Variants in FAM131A observed in about 807,000 individuals in gnomAD.
FAM131A encodes the protein protein FAM131A.
In FAM131A, 24 loss-of-function variants were observed where a neutral mutation model predicts 39.2. The ratio of observed to expected loss-of-function variants is 0.61; its 90% CI spans 0.44 to 0.86. The LOEUF (loss-of-function observed/expected upper bound fraction) is 0.86, where lower values mean the gene tolerates loss of function less well. FAM131A is among the 40% of genes least tolerant of loss of function. The pLI, the probability that FAM131A is intolerant of heterozygous loss-of-function variation, is 0.00. For missense variants in FAM131A, 373 were observed against 481.2 expected (o/e 0.78, Z 2.10); for synonymous variants, 202 against 206.8 (o/e 0.98, Z 0.20).
Position 184,337,726 on chromosome 3 carries a change from C to T in FAM131A, c.88+8C>T, listed in dbSNP as rs1376698032. 2 of 1,536,978 alleles carry T rather than the reference C, an allele frequency of 1.3e-6. No individual in the cohort carries two copies. The highest frequency in any genetic ancestry group is 2.0e-5 in the Admixed American group (1 of 50,984). ...GTCAGACAAGTCGCAGAGGTGAGAC[C>T]AGGGATCATGGATGTGATCTGGGAG... On this transcript the variant is annotated splice_region_variant and intron_variant, in intron 1 of 5. Coordinates refer to ENST00000383847, the MANE Select transcript of FAM131A (RefSeq NM_144635.5).
At position 184,344,940 on chromosome 3, in the gene FAM131A, T is replaced by C. The variant is rs768618051; in HGVS notation, c.1071T>C (p.Asp357=). The C allele has an allele frequency of 1.9e-5, 31 of 1,592,502 alleles. No individual in the cohort carries two copies. Among genetic ancestry groups the C allele is most frequent in the Non-Finnish European group, 2.5e-5 (29 of 1,174,020 alleles). The change falls in exon 6 of 6, where the codon GAT becomes GAC. Residue 357 remains aspartate (D), a synonymous_variant. Transcript: ENST00000383847. The stretch of plus-strand genomic sequence containing the variant: ...CCTCTTCTGGGGTGGTGTCCTTAGA[T>C]GAGGATGAGGCAGAGCCAGAGGAAC... ...DLASSGVVSL[D]EDEAEPEEQ
rs1036316598 is a variant in FAM131A, at chr3:184,337,807, T to G, written c.88+89T>G. On this transcript the variant is annotated intron_variant, in intron 1 of 5. Coordinates refer to ENST00000383847, the MANE Select transcript of FAM131A (RefSeq NM_144635.5). ...GGTGGAAAAGGAAAATTACTCTGGC[T>G]TAGATATTAAGAACCAGGCTGAAAC... is the stretch of plus-strand genomic sequence containing the variant. 26 of 1,311,688 alleles carry G rather than the reference T, an allele frequency of 2.0e-5. No individual in the cohort carries two copies. The South Asian group carries it at 3.1e-4, about 16-fold the overall frequency. The allele number at this position is 1,311,688 out of a possible 1,614,324, so 81.3% of individuals were successfully genotyped here.
At chr3:184,339,841 T>TG (rs1216148546) in intron 2 of FAM131A, 2 of 152,566 alleles carry the variant, frequency 1.3e-5, no homozygotes, top group Admixed American at 6.6e-5. Flanking sequence ...TGTCACAGAG[T>TG]GGGATCCTTC....
chr3:184,345,323 A>T lies in FAM131A; in HGVS notation c.*353A>T, dbSNP rs1397912424. ...AAGGGGGTTGTGACTGGGCTGTGTGAGGGTGGGGTGGGAGGGGGCCCAGCA... is the reference window on the plus strand; with the variant it reads ...AAGGGGGTTGTGACTGGGCTGTGTGTGGGTGGGGTGGGAGGGGGCCCAGCA... On this transcript the variant is annotated 3_prime_UTR_variant, in exon 6 of 6. Coordinates refer to ENST00000383847, the MANE Select transcript of FAM131A (RefSeq NM_144635.5). 2.0e-5 allele frequency: 8 copies of T among 392,294 alleles called. No individual in the cohort carries two copies. The African/African-American group carries it at 2.5e-4, about 12-fold the overall frequency. The allele number at this position is 392,294 out of a possible 1,614,324, so 24.3% of individuals were successfully genotyped here.
chr3:184,338,639 C>A (rs1468379873), intron 2 of FAM131A, 110 bp downstream of exon 2: 8 of 1,423,278 alleles, frequency 5.6e-6, no homozygotes, highest in Non-Finnish European at 6.6e-6. Flanking sequence ...TTCCGGCGGG[C>A]GGAGGCGCTA....
upstream of FAM131A, chr3:184,337,583 G>A: frequency 1.3e-6 from 2 of 1,518,042 alleles, no homozygotes; most frequent in Non-Finnish European, 1.8e-6. Flanking sequence ...TGGGAGCTGA[G>A]CCTGGAGCGG....
intron 5 of FAM131A, chr3:184,343,149 A>C: frequency 3.9e-6 from 1 of 257,782 alleles, no homozygotes; most frequent in East Asian, 6.3e-5. Flanking sequence ...AAAAAGCCGA[A>C]AGACCTCAAG....
upstream of FAM131A, among the ~76,000 whole-genome samples, chr3:184,336,744 C>CA (rs2108539089): frequency 6.6e-6 from 1 of 152,348 alleles, no homozygotes; most frequent in South Asian, 2.1e-4. The surrounding 1 kb of genome is among the most constrained non-coding windows in gnomAD (Gnocchi z 5.5). Flanking sequence ...GTCCTGCCCC[C>CA]ACTCAGCAAA....
At position 184,345,600 on chromosome 3, in the gene FAM131A, G is replaced by A. The variant is rs758900741; in HGVS notation, c.*630G>A. ...GGTTTTTGGTCTGTTTTTTCAGTCG[G>A]ATCTTCTCTTCTCTGGGAGGCTTTG... is the stretch of plus-strand genomic sequence containing the variant. On this transcript the variant is annotated 3_prime_UTR_variant, in exon 6 of 6. Coordinates refer to ENST00000383847, the MANE Select transcript of FAM131A (RefSeq NM_144635.5). 2.0e-5 allele frequency: 14 copies of A among 702,898 alleles called. No individual in the cohort carries two copies. The highest frequency in any genetic ancestry group is 3.1e-5 in the Non-Finnish European group (12 of 384,960). The allele number at this position is 702,898 out of a possible 1,614,324, so 43.5% of individuals were successfully genotyped here. A position where few individuals can be genotyped will look rare whatever the true frequency, so the allele number is the denominator to read the frequency against.
At chr3:184,341,873 C>T (rs1033386821) in intron 3 of FAM131A, 56 bp downstream of exon 3, 3 of 1,586,790 alleles carry the variant, frequency 1.9e-6, no homozygotes, top group Non-Finnish European at 2.6e-6. Flanking sequence ...CCCGTTTGCA[C>T]ATCCCTTTGG....
At chr3:184,341,536 T>A in intron 2 of FAM131A, 188 bp from the exon 3 acceptor site, 2 of 605,344 alleles carry the variant, frequency 3.3e-6, no homozygotes, top group Non-Finnish European at 5.9e-6. Flanking sequence ...TCTCCATTGC[T>A]TTCTGGGAGG....
Position 184,337,724 on chromosome 3 carries a change from A to G in FAM131A, c.88+6A>G, listed in dbSNP as rs1727183224. 1.3e-6 allele frequency: 2 copies of G among 1,537,122 alleles called. No individual in the cohort carries two copies. Among genetic ancestry groups the G allele is most frequent in the South Asian group, 1.2e-5 (1 of 84,060 alleles). On this transcript the variant is annotated splice_donor_region_variant and intron_variant, in intron 1 of 5. Coordinates refer to ENST00000383847, the MANE Select transcript of FAM131A (RefSeq NM_144635.5). ...TTGTCAGACAAGTCGCAGAGGTGAG[A>G]CCAGGGATCATGGATGTGATCTGGG...
chr3:184,342,142 G>A lies in FAM131A; in HGVS notation c.402G>A (p.Glu134=). The A allele has an allele frequency of 6.2e-7, 1 of 1,614,206 alleles. No homozygotes were observed. The highest frequency in any genetic ancestry group is 1.1e-5 in the South Asian group (1 of 91,088). The part of the protein sequence containing the change: ...MAQGRVAHLI[E]WKGWSKPSDS... ...AGGGCCGAGTGGCTCACCTCATTGA[G>A]TGGAAGGGCTGGAGCAAGCCGAGTG... The change falls in exon 4 of 6, where the codon GAG becomes GAA. Residue 134 remains glutamate (E), a synonymous_variant. Coordinates refer to ENST00000383847, the MANE Select transcript of FAM131A (RefSeq NM_144635.5). The surrounding 1 kb of genome is among the most constrained non-coding windows in gnomAD (Gnocchi z 4.6).
intron 2 of FAM131A, 170 bp downstream of exon 2, chr3:184,338,699 C>T (rs1727237422): frequency 3.8e-6 from 3 of 796,926 alleles, no homozygotes; most frequent in East Asian, 3.0e-5. Context: ...CTCTGCTCGG[C>T]GCTGTGCCAG....
rs1451226510 is a variant in FAM131A, at chr3:184,342,903, T to TA, written c.625+44dup. The TA allele has an allele frequency of 1.3e-6, 2 of 1,519,122 alleles. No individual in the cohort carries two copies. Among genetic ancestry groups the TA allele is most frequent in the African/African-American group, 1.4e-5 (1 of 73,032 alleles). 94.1% of individuals were successfully genotyped at this position (1,519,122 alleles called of 1,614,324 possible). A position where few individuals can be genotyped will look rare whatever the true frequency, so the allele number is the denominator to read the frequency against. The stretch of plus-strand genomic sequence containing the variant: ...CTAGGGCTGTGGTGGACCCACCTGA[T>TA]AGACCTTGGCATTCTTTCAGAGCCA... On this transcript the variant is annotated intron_variant, in intron 5 of 5. Coordinates refer to ENST00000383847, the MANE Select transcript of FAM131A (RefSeq NM_144635.5). This position sits in a 1 kb window ranked among gnomAD's most constrained non-coding sequence, Gnocchi z 4.6.
chr3:184,341,132 A>G (rs965188458), intron 2 of FAM131A: 2 of 158,888 alleles, frequency 1.3e-5, no homozygotes, highest in Non-Finnish European at 2.8e-5. Flanking sequence ...AGGTGGAATC[A>G]TTAGGTCTTA....
intron 2 of FAM131A, chr3:184,340,349 C>A (rs1333308476): frequency 2.2e-5 from 2 of 92,296 alleles, no homozygotes; most frequent in Admixed American, 3.2e-4. Flanking sequence ...GAGATGGAGT[C>A]TTGCACCGTA....
upstream of FAM131A, chr3:184,337,252 A>C: frequency 4.9e-6 from 1 of 204,158 alleles, no homozygotes; most frequent in Non-Finnish European, 1.0e-5. Flanking sequence ...AGCCCTGGTT[A>C]GGTACCAGTT....
chr3:184,338,348 G>A, intron 1 of FAM131A, 39 bp from the exon 2 acceptor site: 2 of 1,418,224 alleles, frequency 1.4e-6, no homozygotes. Flanking sequence ...CTCTGCAGAA[G>A]TAGGGGCACA....
Sources: gnomAD v4.1 joint callset for allele counts (sites outside exome capture counted in the v4.1 genomes callset) on GRCh38, gnomAD v4.1.1 for gene constraint, Gnocchi (gnomAD v3.1) non-coding constraint, MANE v1.5 for transcripts, NCBI Gene and HGNC (gene_info 2026-07-23, HGNC 2026-07-21) for gene names.